ATXN2: variants seen among roughly 807,000 people sequenced by gnomAD.
The protein encoded by ATXN2 is ataxin-2.
In ATXN2, 37 loss-of-function variants were observed where a neutral mutation model predicts 138.6. That is an observed-to-expected ratio of 0.27 (90% CI 0.21 to 0.35). The LOEUF (loss-of-function observed/expected upper bound fraction) is 0.35, where lower values mean the gene tolerates loss of function less well. Among genes scored for constraint, ATXN2 ranks in the 10% least tolerant of loss-of-function variants. The pLI is 1.00. For missense variants in ATXN2, 1,216 were observed against 1,480.3 expected, an observed-to-expected ratio of 0.82 and a Z score of 2.93; for synonymous variants, 549 against 543.7, an observed-to-expected ratio of 1.01 and a Z score of -0.13.
chr12:111,457,524 ATAAG>A, intron 21 of ATXN2, 165 bp from the exon 22 acceptor site: 1 of 740,382 alleles, frequency 1.4e-6, no homozygotes, highest in Non-Finnish European at 2.1e-6. Context: ...TCTTGAAAAA[ATAAG>A]TGTAGCTATT....
chr12:111,462,569 C>T (rs1294056117), intron 21 of ATXN2, among the ~76,000 whole-genome samples: 1 of 152,214 alleles, frequency 6.6e-6, no homozygotes, highest in Non-Finnish European at 1.5e-5. Flanking sequence ...ACCAAACCAT[C>T]ATAAAATGGC....
At chr12:111,452,881 A>G (rs753692407) in intron 24 of ATXN2, 41 bp from the exon 25 acceptor site, 1 of 1,602,930 alleles carries the variant, frequency 6.2e-7, no homozygotes, top group Non-Finnish European at 8.5e-7. Context: ...AAAACTGGCA[A>G]CACCACACAT....
At chr12:111,570,439 G>A (rs1307800017) in intron 1 of ATXN2, among the ~76,000 whole-genome samples, 3 of 152,078 alleles carry the variant, frequency 2.0e-5, no homozygotes, top group Non-Finnish European at 4.4e-5. Flanking sequence ...CCTTATTAGC[G>A]TTTACTTTAA....
intron 5 of ATXN2, among the ~76,000 whole-genome samples, chr12:111,540,658 T>C (rs1395992087): frequency 6.7e-6 from 1 of 150,030 alleles, no homozygotes; most frequent in East Asian, 1.9e-4. Flanking sequence ...TTGTGGCATG[T>C]CTTTTTAAAT....
chr12:111,564,336 T>C (rs1231678961), intron 1 of ATXN2, among the ~76,000 whole-genome samples: 1 of 151,736 alleles, frequency 6.6e-6, no homozygotes, highest in Admixed American at 6.6e-5. Context: ...AAAAAGAAAG[T>C]TAAAACTTTC....
intron 5 of ATXN2, among the ~76,000 whole-genome samples, chr12:111,536,194 A>G (rs1881164826): frequency 6.6e-6 from 1 of 152,196 alleles, no homozygotes; most frequent in Non-Finnish European, 1.5e-5. Context: ...CCCAAGATTG[A>G]CTGAAAATGA....
intron 5 of ATXN2, among the ~76,000 whole-genome samples, chr12:111,549,925 G>A (rs1288603802): frequency 6.6e-6 from 1 of 151,964 alleles, no homozygotes; most frequent in Non-Finnish European, 1.5e-5. Flanking sequence ...AGCCGGGCAT[G>A]GTGGCACATG....
chr12:111,541,346 C>CTTTTT (rs62932861), intron 5 of ATXN2, among the ~76,000 whole-genome samples: 2 of 67,442 alleles, frequency 3.0e-5, no homozygotes, highest in Non-Finnish European at 3.0e-5. Flanking sequence ...AGTTATAATT[C>CTTTTT]TTTTTTTTTT....
At chr12:111,475,146 G>A (rs1224276332) in intron 18 of ATXN2, among the ~76,000 whole-genome samples, 3 of 151,650 alleles carry the variant, frequency 2.0e-5, no homozygotes, top group African/African-American at 7.3e-5. Context: ...CCCAAGAGGC[G>A]GAGCTTGCAG....
At chr12:111,510,643 G>C (rs1879453522) in intron 11 of ATXN2, 61 bp from the exon 12 acceptor site, 7 of 1,421,582 alleles carry the variant, frequency 4.9e-6, no homozygotes, top group Non-Finnish European at 9.6e-7. Context: ...TCCTAAAAGA[G>C]GCTTCAGGCT....
intron 5 of ATXN2, among the ~76,000 whole-genome samples, chr12:111,550,680 G>C (rs137892048): frequency 6.6e-6 from 1 of 152,228 alleles, no homozygotes; most frequent in African/African-American, 2.4e-5. Context: ...GGCCTCTTAA[G>C]ACAAAAAGTT....
chr12:111,535,004 A>G (rs1679087582), intron 5 of ATXN2, among the ~76,000 whole-genome samples: 1 of 152,162 alleles, frequency 6.6e-6, no homozygotes, highest in East Asian at 1.9e-4. Flanking sequence ...AAACAAAAAA[A>G]TTAGCCAGGT....
intron 1 of ATXN2, among the ~76,000 whole-genome samples, chr12:111,560,415 G>T (rs537877108): frequency 6.1e-4 from 93 of 152,112 alleles, no homozygotes; most frequent in African/African-American, 2.2e-3. Flanking sequence ...CCAACGGGGG[G>T]GTCCTGGGAC....
intron 1 of ATXN2, among the ~76,000 whole-genome samples, chr12:111,556,915 A>G (rs752561295): frequency 3.9e-5 from 6 of 152,122 alleles, no homozygotes; most frequent in Non-Finnish European, 8.8e-5. Flanking sequence ...TCATTTCTAA[A>G]TAATATGCGT....
intron 5 of ATXN2, among the ~76,000 whole-genome samples, chr12:111,525,705 GA>G (rs1252428689): frequency 1.4e-5 from 2 of 143,902 alleles, no homozygotes; most frequent in Non-Finnish European, 3.0e-5. Flanking sequence ...TTTTTTTTGA[GA>G]TAGAGTCTCG....
chr12:111,597,836 T>C (rs532138285), intron 1 of ATXN2: 1 of 1,278,770 alleles, frequency 7.8e-7, no homozygotes, highest in Middle Eastern at 2.1e-4. Context: ...TTGGGATAAG[T>C]GCGCAGGGTG....
At chr12:111,528,271 A>G (rs1880613305) in intron 5 of ATXN2, among the ~76,000 whole-genome samples, 1 of 151,982 alleles carries the variant, frequency 6.6e-6, no homozygotes, top group Admixed American at 6.6e-5. Context: ...ACTACAGGGT[A>G]TGTGTGTGTG....
At chr12:111,591,347 G>T (rs1884656099) in intron 1 of ATXN2, among the ~76,000 whole-genome samples, 1 of 151,310 alleles carries the variant, frequency 6.6e-6, no homozygotes, top group African/African-American at 2.5e-5. Context: ...CAAGGGAGGG[G>T]CCCCAGAACT....
At position 111,456,111 on chromosome 12, in the gene ATXN2, G is replaced by C. The variant is rs1392471387; in HGVS notation, c.3188C>G (p.Ala1063Gly). 8 of 1,614,228 alleles carry C rather than the reference G, an allele frequency of 5.0e-6. No homozygotes were observed. The highest frequency in any genetic ancestry group is 6.8e-6 in the Non-Finnish European group (8 of 1,180,044). ...ATGGATCGTAAAGACAGTCTGTTGT[G>C]CTGCTGGGAAACTATTCTGTGGCGA... is the stretch of plus-strand genomic sequence containing the variant. ...TQSPQNSFPAAQQTVFTIHPS... is the reference protein window; with the variant it reads ...TQSPQNSFPAGQQTVFTIHPS... The change falls in exon 23 of 25, where the codon GCA becomes GGA. Residue 1063 changes from alanine to glycine, a missense_variant. Physicochemically the swap from Ala to Gly is moderately conservative, Grantham distance 60. Around this residue, in one of 4 missense-constraint regions of ATXN2, gnomAD observed 490 missense variants for 653.5 expected, o/e 0.75. Coordinates refer to ENST00000673436, the MANE Select transcript of ATXN2 (RefSeq NM_001372574.1).
Sources: gnomAD v4.1 joint callset for allele counts (sites outside exome capture counted in the v4.1 genomes callset) on GRCh38, gnomAD v4.1.1 for gene constraint, gnomAD v4.1.1 regional missense constraint, MANE v1.5 for transcripts, NCBI Gene and HGNC (gene_info 2026-07-23, HGNC 2026-07-21) for gene names.